The following WWC1 variants were observed in gnomAD, a reference collection of about 807,000 sequenced individuals.
The protein encoded by WWC1 is protein KIBRA.
In WWC1, 55 loss-of-function variants were observed where a neutral mutation model predicts 138.4. That is an observed-to-expected ratio of 0.40 (90% CI 0.32 to 0.50). The LOEUF is 0.50. Among genes scored for constraint, WWC1 ranks in the 20% least tolerant of loss-of-function variants. The pLI is 0.72. For missense variants in WWC1, 1,226 were observed against 1,420.4 expected, an observed-to-expected ratio of 0.86 and a Z score of 2.20; for synonymous variants, 524 against 564.9, an observed-to-expected ratio of 0.93 and a Z score of 1.03.
At chr5:168,338,667 C>G (rs1034401095) in intron 1 of WWC1, among the ~76,000 whole-genome samples, 3 of 152,050 alleles carry the variant, frequency 2.0e-5, no homozygotes, top group Non-Finnish European at 4.4e-5. Flanking sequence ...CCTTAGCCCC[C>G]CAAAGTGCTG....
chr5:168,451,065 C>T (rs563558359), intron 17 of WWC1, among the ~76,000 whole-genome samples: 5 of 151,884 alleles, frequency 3.3e-5, no homozygotes, highest in Admixed American at 2.6e-4. Context: ...GCCCAGGCTG[C>T]GATCTCGGCT....
At chr5:168,418,715 T>G (rs1204775879) in intron 9 of WWC1, among the ~76,000 whole-genome samples, 1 of 151,976 alleles carries the variant, frequency 6.6e-6, no homozygotes, top group East Asian at 1.9e-4. Context: ...CCTCTGTGGC[T>G]TTTCTCCCAC....
intron 2 of WWC1, among the ~76,000 whole-genome samples, chr5:168,380,126 A>G (rs1251342420): frequency 6.6e-6 from 1 of 152,226 alleles, no homozygotes; most frequent in African/African-American, 2.4e-5. Flanking sequence ...CCATATTCCA[A>G]GTATGTAAAG....
At chr5:168,437,317 G>A (rs192140068) in intron 15 of WWC1, among the ~76,000 whole-genome samples, 3 of 152,060 alleles carry the variant, frequency 2.0e-5, no homozygotes, top group East Asian at 3.9e-4. Context: ...TTCACTGTAC[G>A]TCATAGATTC....
chr5:168,397,955 C>A (rs536008422), intron 4 of WWC1, among the ~76,000 whole-genome samples, 155 bp downstream of exon 4: 12 of 152,238 alleles, frequency 7.9e-5, no homozygotes, highest in Admixed American at 6.5e-4. Context: ...GCGGTAGTCA[C>A]AGTAATAGTA....
chr5:168,439,691 G>A (rs1007991321), intron 15 of WWC1, among the ~76,000 whole-genome samples: 13 of 152,004 alleles, frequency 8.6e-5, no homozygotes, highest in African/African-American at 2.9e-4. Flanking sequence ...ACTCTTGTTT[G>A]TGGGTCGTTT....
intron 3 of WWC1, among the ~76,000 whole-genome samples, chr5:168,394,352 T>C (rs1458747008): frequency 2.6e-5 from 4 of 152,254 alleles, no homozygotes; most frequent in Admixed American, 6.5e-5. Flanking sequence ...TGTGTTCATA[T>C]ATAACTTTAA....
At chr5:168,391,646 A>T (rs6870093) in intron 3 of WWC1, among the ~76,000 whole-genome samples, 1 of 136,552 alleles carries the variant, frequency 7.3e-6, no homozygotes, top group Non-Finnish European at 1.6e-5. Context: ...GCAACAGAGC[A>T]ACACTCCGTC....
At chr5:168,296,176 C>T (rs1769525025) in intron 1 of WWC1, among the ~76,000 whole-genome samples, 1 of 152,278 alleles carries the variant, frequency 6.6e-6, no homozygotes, top group African/African-American at 2.4e-5. Flanking sequence ...TGGGGCTGGC[C>T]CTCCCAGAGA....
rs2152900936 is a variant in WWC1 at position 168,471,719 on chromosome 5, T to C, written c.*2702T>C. The C allele has an allele frequency of 6.6e-6, 1 of 152,396 alleles. No homozygotes were observed. Among genetic ancestry groups the C allele is most frequent in the East Asian group, 1.9e-4 (1 of 5,180 alleles). The allele number at this position is 152,396 out of a possible 1,614,324, so 9.4% of individuals were successfully genotyped here. ...GCATTTTCCACTCAAAGGTTAGAGA[T>C]GAGATTTTCTCTTCCCAAGGCTACC... On this transcript the variant is annotated 3_prime_UTR_variant, in exon 23 of 23. Coordinates refer to ENST00000265293, the MANE Select transcript of WWC1 (RefSeq NM_015238.3).
At chr5:168,401,036 G>A (rs767365975) in intron 5 of WWC1, among the ~76,000 whole-genome samples, 35 of 151,308 alleles carry the variant, frequency 2.3e-4, no homozygotes, top group Non-Finnish European at 4.1e-4. Flanking sequence ...GAAAGAGAAG[G>A]AGAGAGAGAG....
chr5:168,357,329 C>CAT (rs1458613399), intron 1 of WWC1, among the ~76,000 whole-genome samples: 1 of 147,956 alleles, frequency 6.8e-6, no homozygotes. Flanking sequence ...CACACACACA[C>CAT]ACACTTTTTG....
Position 168,423,729 on chromosome 5 carries a change from G to A in WWC1, c.1471G>A (p.Gly491Ser), listed in dbSNP as rs142973533. The change falls in exon 11 of 23, where the codon GGC becomes AGC. Residue 491 changes from glycine (G) to serine (S), a missense_variant. Coordinates refer to ENST00000265293, the MANE Select transcript of WWC1 (RefSeq NM_015238.3). Reference protein sequence around the residue: ...VEFLLLEGATGFRPSGCITTI... With the variant: ...VEFLLLEGATSFRPSGCITTI... Reference sequence around the variant, plus strand: ...GTTCCTGCTCCTGGAGGGGGCCACCGGCTTCCGGCCCTCAGGCTGCATCAC... The same window carrying A: ...GTTCCTGCTCCTGGAGGGGGCCACCAGCTTCCGGCCCTCAGGCTGCATCAC... 4.2e-4 allele frequency: 685 copies of A among 1,613,992 alleles called. 2 individuals are homozygous for A. The highest frequency in any genetic ancestry group is 3.0e-4 in the Admixed American group (18 of 60,014).
intron 1 of WWC1, among the ~76,000 whole-genome samples, chr5:168,348,695 A>G (rs892044146): frequency 5.9e-5 from 9 of 152,170 alleles, no homozygotes; most frequent in Non-Finnish European, 1.3e-4. Flanking sequence ...GGTCTGCTGG[A>G]GAAATACAAA....
At chr5:168,339,484 TG>T (rs1223561428) in intron 1 of WWC1, among the ~76,000 whole-genome samples, 1 of 152,150 alleles carries the variant, frequency 6.6e-6, no homozygotes, top group Non-Finnish European at 1.5e-5. Flanking sequence ...TAGGGAACAT[TG>T]TTGTATATGT....
Position 168,423,891 on chromosome 5 carries a change from C to A in WWC1, c.1633C>A (p.Pro545Thr), listed in dbSNP as rs1356929501. The change falls in exon 11 of 23, where the codon CCA (proline) becomes ACA (threonine). Residue 545 changes from proline (P) to threonine (T), a missense_variant. By Grantham distance (38) the Pro-to-Thr change is conservative (BLOSUM62 -1). Transcript: ENST00000265293. ...SPRSSLSSPS[P>T]PCSPLMADPL... ...ACGTTCCTCTCTCTCCTCCCCCTCC[C>A]CACCCTGTTCCCCTCTCATGGCTGA... is the stretch of plus-strand genomic sequence containing the variant. 1 of 1,613,972 alleles carries A rather than the reference C, an allele frequency of 6.2e-7. No individual in the cohort carries two copies. Among genetic ancestry groups the A allele is most frequent in the East Asian group, 2.2e-5 (1 of 44,894 alleles).
rs569400386 is a variant in WWC1, at chr5:168,297,026, CA to C, written c.119+4756del. On this transcript the variant is annotated intron_variant, in intron 1 of 22. Coordinates refer to ENST00000265293, the MANE Select transcript of WWC1 (RefSeq NM_015238.3). ...TTGGCTCCTGGAATCTTGGATCTGC[CA>C]CTTGCTACCTGAGTTACCTTGGTAA... is the stretch of plus-strand genomic sequence containing the variant. Among the ~76,000 whole-genome samples the C allele has an allele frequency of 2.2e-3, 330 of 152,304 alleles. 3 individuals are homozygous for C. The highest frequency in any genetic ancestry group is 3.3e-3 in the Non-Finnish European group (227 of 68,028).
At position 168,430,124 on chromosome 5, in the gene WWC1, C is replaced by T. The variant is rs759875719; in HGVS notation, c.2001-13C>T. The T allele has an allele frequency of 8.7e-6, 14 of 1,602,804 alleles. 1 individual carries two copies. In the South Asian group the frequency reaches 9.9e-5, roughly 11 times the overall value. On this transcript the variant is annotated splice_polypyrimidine_tract_variant and intron_variant, in intron 13 of 22. Coordinates refer to ENST00000265293, the MANE Select transcript of WWC1 (RefSeq NM_015238.3). ...TTACTAATAGGTACTTCATATGCCCCTTTTCATTTCAGGTATGATGAGAAG... is the reference window on the plus strand; with the variant it reads ...TTACTAATAGGTACTTCATATGCCCTTTTTCATTTCAGGTATGATGAGAAG...
chr5:168,336,586 A>C (rs1773479149), intron 1 of WWC1, among the ~76,000 whole-genome samples: 1 of 151,422 alleles, frequency 6.6e-6, no homozygotes, highest in African/African-American at 2.4e-5. Flanking sequence ...AAAAAAAAAA[A>C]AAAAAAAAAC....
Sources: allele counts gnomAD v4.1 joint callset (sites outside exome capture counted in the v4.1 genomes callset), GRCh38; gene constraint gnomAD v4.1.1; transcripts MANE v1.5; gene names NCBI Gene and HGNC (gene_info 2026-07-23, HGNC 2026-07-21).